Variants in CFAP210 observed in about 807,000 individuals in gnomAD.
The protein encoded by CFAP210 is cilia- and flagella- associated protein 210.
At chr2:169,671,177 C>G in the CFAP210 span, among the ~76,000 whole-genome samples, 1 of 152,164 alleles carries the variant, frequency 6.6e-6, no homozygotes, top group African/African-American at 2.4e-5. Flanking sequence ...CCCCCTTTGT[C>G]TTTTATACTA....
chr2:169,678,341 C>CAAAAAAAAAAAAAAAAA, the CFAP210 span, among the ~76,000 whole-genome samples: 1 of 88,232 alleles, frequency 1.1e-5, no homozygotes, highest in Non-Finnish European at 2.2e-5. Flanking sequence ...AACTCTGTTG[C>CAAAAAAAAAAAAAAAAA]AAAAAAAAAA....
At chr2:169,687,701 G>T in the CFAP210 span, among the ~76,000 whole-genome samples, 1 of 152,168 alleles carries the variant, frequency 6.6e-6, no homozygotes. Context: ...CCAGGCGCAT[G>T]GTGCAAGCTG....
the CFAP210 span, among the ~76,000 whole-genome samples, chr2:169,650,082 C>G: frequency 1.3e-5 from 2 of 152,150 alleles, no homozygotes; most frequent in Non-Finnish European, 2.9e-5. Flanking sequence ...ATAACCTTTG[C>G]GTTTCAGATG....
the CFAP210 span, among the ~76,000 whole-genome samples, chr2:169,667,135 CT>C: frequency 1.7e-5 from 2 of 120,284 alleles, no homozygotes; most frequent in African/African-American, 6.4e-5. Flanking sequence ...CACAAATTTT[CT>C]TTTTTCTTTT....
At chr2:169,656,782 G>T in the CFAP210 span, among the ~76,000 whole-genome samples, 13 of 151,748 alleles carry the variant, frequency 8.6e-5, no homozygotes, top group African/African-American at 2.9e-4. Context: ...TGGCCAACAT[G>T]GTGAAAACCC....
chr2:169,658,373 G>C, the CFAP210 span: 2 of 152,494 alleles, frequency 1.3e-5, no homozygotes, highest in African/African-American at 4.8e-5. Context: ...AGAATTGGCA[G>C]TTTTGCCATG....
the CFAP210 span, among the ~76,000 whole-genome samples, chr2:169,675,574 G>C: frequency 7.9e-5 from 12 of 152,230 alleles, no homozygotes; most frequent in East Asian, 1.7e-3. Flanking sequence ...AGTACCAATG[G>C]GGATGGTGCT....
chr2:169,646,008 G>A, the CFAP210 span: 13 of 1,613,906 alleles, frequency 8.1e-6, no homozygotes, highest in Non-Finnish European at 1.1e-5. Flanking sequence ...GGTCCTTCCT[G>A]TACAGCTTTT....
chr2:169,648,944 T>A, the CFAP210 span, among the ~76,000 whole-genome samples: 2 of 152,204 alleles, frequency 1.3e-5, no homozygotes, highest in East Asian at 3.8e-4. Flanking sequence ...TCTTTAATAT[T>A]TACTGAAGTA....
chr2:169,667,629 C>T, the CFAP210 span, among the ~76,000 whole-genome samples: 1 of 152,082 alleles, frequency 6.6e-6, no homozygotes. Flanking sequence ...GTTATGTTAA[C>T]AGCCATGAAA....
the CFAP210 span, among the ~76,000 whole-genome samples, chr2:169,674,388 CATT>C: frequency 2.0e-5 from 3 of 152,076 alleles, no homozygotes; most frequent in South Asian, 2.1e-4. Context: ...TATTATGTTG[CATT>C]ATTATGACAA....
At chr2:169,676,412 C>G in the CFAP210 span, among the ~76,000 whole-genome samples, 8 of 150,962 alleles carry the variant, frequency 5.3e-5, no homozygotes, top group African/African-American at 1.9e-4. Context: ...CCTTTATGTA[C>G]CAGGGACGTT....
the CFAP210 span, among the ~76,000 whole-genome samples, chr2:169,670,114 GT>G: frequency 1.3e-5 from 2 of 152,256 alleles, no homozygotes; most frequent in South Asian, 4.1e-4. Context: ...TAATTAGTGA[GT>G]TTTTTCTTAA....
At chr2:169,684,538 T>G in the CFAP210 span, among the ~76,000 whole-genome samples, 2 of 152,254 alleles carry the variant, frequency 1.3e-5, no homozygotes, top group Non-Finnish European at 2.9e-5. Context: ...AGACATTTCA[T>G]GTGCATGGAA....
the CFAP210 span, among the ~76,000 whole-genome samples, chr2:169,681,979 T>C: frequency 6.6e-6 from 1 of 152,228 alleles, no homozygotes; most frequent in African/African-American, 2.4e-5. Context: ...TGGGAGAATC[T>C]GAGGCAATGA....
the CFAP210 span, chr2:169,646,089 ATTCT>A: frequency 7.2e-5 from 117 of 1,613,796 alleles, 2 homozygotes; most frequent in Middle Eastern, 6.6e-4. Flanking sequence ...TAGTCCTGAA[ATTCT>A]TTCTCCTTTT....
chr2:169,686,084 C>G, the CFAP210 span, among the ~76,000 whole-genome samples: 1 of 152,134 alleles, frequency 6.6e-6, no homozygotes, highest in Non-Finnish European at 1.5e-5. Context: ...ATAAGCACAA[C>G]CATTGTGCAC....
chr2:169,676,056 T>G, the CFAP210 span, among the ~76,000 whole-genome samples: 6 of 152,234 alleles, frequency 3.9e-5, no homozygotes, highest in African/African-American at 1.4e-4. Flanking sequence ...TTTTTCTGCA[T>G]TCTGTACTAT....
chr2:169,654,240 A>G, the CFAP210 span: 2 of 1,528,646 alleles, frequency 1.3e-6, no homozygotes, highest in Non-Finnish European at 1.8e-6. Flanking sequence ...GTATATATTA[A>G]CTTATCACAA....
Sources: allele counts gnomAD v4.1 joint callset (sites outside exome capture counted in the v4.1 genomes callset), GRCh38; gene constraint gnomAD v4.1.1; transcripts MANE v1.5; gene names NCBI Gene and HGNC (gene_info 2026-07-23, HGNC 2026-07-21).